Variants in KANSL2 observed in about 807,000 individuals in gnomAD.
The protein encoded by KANSL2 is KAT8 regulatory NSL complex subunit 2.
A neutral mutation model predicts 55.6 loss-of-function variants in KANSL2; 34 were observed. The observed-to-expected ratio is 0.61, with a 90% CI of 0.46 to 0.81. The LOEUF is 0.81. KANSL2 is among the 40% of genes least tolerant of loss of function. The probability of loss-of-function intolerance (pLI) is 0.00; values close to 1 mark genes in which losing one functional copy is unlikely to be tolerated. For synonymous variants in KANSL2, 209 were observed against 214.3 expected, an observed-to-expected ratio of 0.98 and a Z score of 0.22; for missense variants, 502 against 609.9, an observed-to-expected ratio of 0.82 and a Z score of 1.86.
intron 7 of KANSL2, chr12:48,662,521 G>A: frequency 8.3e-7 from 1 of 1,211,834 alleles, no homozygotes; most frequent in African/African-American, 1.6e-5. Flanking sequence ...CCTTTCAGAT[G>A]GGGCAAAAGA....
At position 48,679,316 on chromosome 12, in the gene KANSL2, T is replaced by C. The variant is rs1014697308; in HGVS notation, c.431-166A>G. The C allele has an allele frequency of 8.5e-5, 58 of 679,252 alleles. No homozygotes were observed. The African/African-American group carries it at 1.1e-3, about 13-fold the overall frequency. 42.1% of individuals were successfully genotyped at this position (679,252 alleles called of 1,614,324 possible). On this transcript the variant is annotated intron_variant, in intron 3 of 9. Coordinates refer to ENST00000420613, the MANE Select transcript of KANSL2 (RefSeq NM_017822.4). ...GGCAAATAAAAACGCTTTAAGAAAA[T>C]ACAACCCAAGTAAGATTACTTACAA...
At chr12:48,662,862 T>C (rs937959653) in intron 7 of KANSL2, among the ~76,000 whole-genome samples, 4 of 152,164 alleles carry the variant, frequency 2.6e-5, no homozygotes, top group Non-Finnish European at 5.9e-5. Flanking sequence ...TTTTCCCTTA[T>C]AAAAGTAATT....
chr12:48,662,453 G>A, intron 7 of KANSL2: 1 of 1,048,138 alleles, frequency 9.5e-7, no homozygotes, highest in Non-Finnish European at 1.2e-6. Flanking sequence ...AGTCTCTTAT[G>A]TATTTAATAC....
intron 7 of KANSL2, chr12:48,662,780 T>TGCTTTA: frequency 2.2e-6 from 1 of 458,002 alleles, no homozygotes; most frequent in South Asian, 3.0e-5. Context: ...GCTTTATATT[T>TGCTTTA]ATATTTTAAT....
At chr12:48,679,879 C>A in intron 2 of KANSL2, 46 bp from the exon 3 acceptor site, 1 of 1,449,722 alleles carries the variant, frequency 6.9e-7, no homozygotes. Context: ...TTCTTGAAAG[C>A]GTTCAATAAT....
In KANSL2 at chr12:48,669,287, G is replaced by T; in HGVS notation, c.710-15C>A. 6.6e-7 allele frequency: 1 copy of T among 1,515,318 alleles called. No individual in the cohort carries two copies. Among genetic ancestry groups the T allele is most frequent in the Non-Finnish European group, 8.9e-7 (1 of 1,128,506 alleles). The allele number at this position is 1,515,318 out of a possible 1,614,324, so 93.9% of individuals were successfully genotyped here. A position where few individuals can be genotyped will look rare whatever the true frequency, so the allele number is the denominator to read the frequency against. On this transcript the variant is annotated splice_polypyrimidine_tract_variant and intron_variant, in intron 5 of 9. Transcript: ENST00000420613. ...GAGACTACTGCCTAGAGTTACAAGA[G>T]TCAAGATGTTATTTGCCAAGCAATC...
Position 48,655,064 on chromosome 12 carries a change from G to GA in KANSL2, c.1228-5dup, listed in dbSNP as rs773308487. On this transcript the variant is annotated splice_region_variant and splice_polypyrimidine_tract_variant and intron_variant, in intron 8 of 9. Coordinates refer to ENST00000420613, the MANE Select transcript of KANSL2 (RefSeq NM_017822.4). The stretch of plus-strand genomic sequence containing the variant: ...CATCACCCACAACATCCAAGTCCTA[G>GA]AAAAAAGAGAAAAGCCCATCAGCAA... The GA allele has an allele frequency of 1.9e-6, 3 of 1,562,626 alleles. No individual in the cohort carries two copies. Among genetic ancestry groups the GA allele is most frequent in the Middle Eastern group, 1.7e-4 (1 of 5,982 alleles).
At chr12:48,669,954 A>C (rs1185270946) in intron 5 of KANSL2, among the ~76,000 whole-genome samples, 2 of 152,126 alleles carry the variant, frequency 1.3e-5, no homozygotes, top group East Asian at 3.9e-4. Flanking sequence ...TAATCCCAGC[A>C]CTTTTTGGGA....
chr12:48,678,288 A>T (rs1939861268), intron 4 of KANSL2, among the ~76,000 whole-genome samples: 1 of 152,216 alleles, frequency 6.6e-6, no homozygotes, highest in Admixed American at 6.5e-5. Flanking sequence ...CCAGAGTGGT[A>T]ATGTTTTTAT....
chr12:48,654,998 T>C lies in KANSL2; in HGVS notation c.1290A>G (p.Ser430=). The C allele has an allele frequency of 6.3e-7, 1 of 1,587,270 alleles. No homozygotes were observed. The highest frequency in any genetic ancestry group is 2.3e-5 in the East Asian group (1 of 43,872). ...CPPSPLLFDP[S]LTLEDHLVKE... is the part of the protein sequence containing the mutation. ...TGACTAAATGATCTTCAAGGGTTAG[T>C]GAAGGATCAAAAAGCAAAGGTGAAG... The change falls in exon 9 of 10, where the codon TCA becomes TCG. Residue 430 remains serine (S), a synonymous_variant. Coordinates refer to ENST00000420613, the MANE Select transcript of KANSL2 (RefSeq NM_017822.4).
chr12:48,676,143 C>T (rs1939816771), intron 4 of KANSL2, among the ~76,000 whole-genome samples: 1 of 152,098 alleles, frequency 6.6e-6, no homozygotes, highest in Non-Finnish European at 1.5e-5. Context: ...TAGGGTCTCC[C>T]TCTGTTGCCC....
intron 2 of KANSL2, 57 bp from the exon 3 acceptor site, chr12:48,679,890 G>T: frequency 7.5e-7 from 1 of 1,335,342 alleles, no homozygotes; most frequent in Non-Finnish European, 1.0e-6. Flanking sequence ...GTTCAATAAT[G>T]TTCACAGTCC....
chr12:48,660,688 T>C, intron 7 of KANSL2, 69 bp from the exon 8 acceptor site: 1 of 1,486,628 alleles, frequency 6.7e-7, no homozygotes, highest in South Asian at 1.3e-5. Context: ...TAGCATTGTC[T>C]GCCACATAAA....
At chr12:48,681,812 TC>T (rs1290072348) in intron 1 of KANSL2, 171 bp from the exon 2 acceptor site, 1 of 798,792 alleles carries the variant, frequency 1.3e-6, no homozygotes, top group Non-Finnish European at 2.1e-6. Flanking sequence ...TGGCTTTGCC[TC>T]CCTTTAGCGT....
chr12:48,678,331 A>G (rs1156421223), intron 4 of KANSL2, among the ~76,000 whole-genome samples: 3 of 152,228 alleles, frequency 2.0e-5, no homozygotes, highest in Non-Finnish European at 4.4e-5. Flanking sequence ...TGATGGGTTA[A>G]GTGAAGAGCA....
intron 4 of KANSL2, among the ~76,000 whole-genome samples, chr12:48,676,770 T>C (rs1939830068): frequency 6.6e-6 from 1 of 152,136 alleles, no homozygotes; most frequent in South Asian, 2.1e-4. Flanking sequence ...AAATCATATA[T>C]ATACTAACAG....
intron 7 of KANSL2, 37 bp downstream of exon 7, chr12:48,667,656 G>C: frequency 6.7e-7 from 1 of 1,494,720 alleles, no homozygotes; most frequent in South Asian, 1.1e-5. Context: ...CTTCAAACTA[G>C]CAAACCACAG....
At chr12:48,672,575 T>G (rs1227455663) in intron 4 of KANSL2, among the ~76,000 whole-genome samples, 1 of 150,902 alleles carries the variant, frequency 6.6e-6, no homozygotes, top group African/African-American at 2.4e-5. Flanking sequence ...GGACTACAGG[T>G]GTGCACCACC....
intron 1 of KANSL2, 166 bp from the exon 2 acceptor site, chr12:48,681,807 T>C: frequency 2.4e-6 from 2 of 818,960 alleles, no homozygotes; most frequent in Non-Finnish European, 4.1e-6. Flanking sequence ...ATCTGTGGCT[T>C]TGCCTCCCTT....
Sources: gnomAD v4.1 joint callset for allele counts (sites outside exome capture counted in the v4.1 genomes callset) on GRCh38, gnomAD v4.1.1 for gene constraint, MANE v1.5 for transcripts, NCBI Gene and HGNC (gene_info 2026-07-23, HGNC 2026-07-21) for gene names.